Variants in KALRN observed in about 807,000 individuals in gnomAD.
KALRN encodes the protein kalirin RhoGEF kinase.
In KALRN, 70 loss-of-function variants were observed where a neutral mutation model predicts 353.7. The ratio of observed to expected loss-of-function variants is 0.20; its 90% CI spans 0.16 to 0.24. KALRN has a LOEUF of 0.24. Among genes scored for constraint, KALRN ranks in the 10% least tolerant of loss-of-function variants. The probability of loss-of-function intolerance (pLI) is 1.00; values close to 1 mark genes in which losing one functional copy is unlikely to be tolerated. For synonymous variants in KALRN, 1,391 were observed against 1,434.8 expected (o/e 0.97, Z 0.69); for missense variants, 2,791 against 3,756.7 (o/e 0.74, Z 6.72).
chr3:124,398,876 C>A lies in KALRN; in HGVS notation c.2346+5C>A. On this transcript the variant is annotated splice_donor_5th_base_variant and intron_variant, in intron 13 of 59. Transcript: ENST00000682506. ...TTTGAGCAGTACACCATCGAGGTAG[C>A]AGGGGGCCAGGAGGGGAGGTGGAGA... 6.3e-7 allele frequency: 1 copy of A among 1,595,748 alleles called. No individual in the cohort carries two copies. Among genetic ancestry groups the A allele is most frequent in the Middle Eastern group, 1.7e-4 (1 of 5,900 alleles).
intron 1 of KALRN, among the ~76,000 whole-genome samples, chr3:124,144,401 CTG>C (rs2067019125): frequency 1.3e-5 from 2 of 152,170 alleles, no homozygotes; most frequent in Admixed American, 1.3e-4. Flanking sequence ...TCTGTGTCAT[CTG>C]TGCATCTGTG....
Position 124,326,119 on chromosome 3 carries a change from A to G in KALRN, c.1232A>G (p.Glu411Gly). ...EWKSFAAALD[E>G]RSTILAMSAV... is the part of the protein sequence containing the mutation. ...AAGAGCTTCGCTGCTGCCCTGGATG[A>G]ACGCAGCACCATCCTCGCCATGTCT... Residue 411 changes from glutamate (E) to glycine (G), a missense_variant, in exon 7 of 60, where the codon GAA (glutamate) becomes GGA (glycine). Glu to Gly is a moderately conservative substitution (Grantham distance 98). This residue lies in a region of KALRN where 366 missense variants were observed against 489.2 expected (regional missense o/e 0.75). Coordinates refer to ENST00000682506, the MANE Select transcript of KALRN (RefSeq NM_001388419.1). The G allele has an allele frequency of 6.2e-7, 1 of 1,613,850 alleles. No individual in the cohort carries two copies. The highest frequency in any genetic ancestry group is 8.5e-7 in the Non-Finnish European group (1 of 1,179,862).
chr3:124,593,272 C>T (rs2075979440), intron 34 of KALRN, among the ~76,000 whole-genome samples: 3 of 152,216 alleles, frequency 2.0e-5, no homozygotes, highest in Admixed American at 2.0e-4. Flanking sequence ...CATATCTGTG[C>T]AGTGCTCCTT....
intron 6 of KALRN, among the ~76,000 whole-genome samples, chr3:124,322,343 A>G (rs1243147997): frequency 1.3e-5 from 2 of 152,250 alleles, no homozygotes; most frequent in African/African-American, 4.8e-5. Flanking sequence ...ACTGAGGCAC[A>G]GAGAAGTCAA....
intron 25 of KALRN, 47 bp from the exon 26 acceptor site, chr3:124,474,616 G>T (rs2061271175): frequency 2.0e-6 from 3 of 1,493,700 alleles, no homozygotes; most frequent in Non-Finnish European, 2.8e-6. Flanking sequence ...CCTCTGGGGG[G>T]TCAGCTGCAC....
chr3:124,381,647 G>T (rs2087398270), intron 10 of KALRN, among the ~76,000 whole-genome samples: 1 of 152,080 alleles, frequency 6.6e-6, no homozygotes, highest in South Asian at 2.1e-4. Context: ...TATCCAACCT[G>T]ATTTTTTGCC....
chr3:124,380,120 A>C (rs2087135870), intron 10 of KALRN, among the ~76,000 whole-genome samples: 1 of 152,108 alleles, frequency 6.6e-6, no homozygotes, highest in Non-Finnish European at 1.5e-5. Flanking sequence ...CAAGATTCTC[A>C]CTTCATATTA....
chr3:124,287,301 G>A (rs980569151), intron 5 of KALRN, among the ~76,000 whole-genome samples: 1 of 152,092 alleles, frequency 6.6e-6, no homozygotes, highest in African/African-American at 2.4e-5. Context: ...TCCTGCATAT[G>A]CAAAGCTTGG....
chr3:124,283,044 G>A (rs2075505391), intron 5 of KALRN, among the ~76,000 whole-genome samples: 1 of 152,238 alleles, frequency 6.6e-6, no homozygotes, highest in Non-Finnish European at 1.5e-5. Flanking sequence ...CCACAGGGAA[G>A]CCTGCCTCCT....
intron 14 of KALRN, among the ~76,000 whole-genome samples, chr3:124,417,335 T>G (rs369298850): frequency 1.4e-3 from 207 of 152,344 alleles, no homozygotes; most frequent in Non-Finnish European, 2.0e-3. Context: ...AGTTCTCACT[T>G]TCCGTAATTC....
intron 6 of KALRN, among the ~76,000 whole-genome samples, chr3:124,311,212 C>T (rs1054069109): frequency 1.3e-5 from 2 of 151,556 alleles, no homozygotes; most frequent in East Asian, 3.9e-4. Flanking sequence ...ATAATCGCAG[C>T]ACTTTGGGAG....
chr3:124,692,060 C>T (rs757589988), intron 51 of KALRN, among the ~76,000 whole-genome samples: 1 of 152,202 alleles, frequency 6.6e-6, no homozygotes, highest in Non-Finnish European at 1.5e-5. Context: ...TTAAACAAGG[C>T]TGCATGTTGA....
chr3:124,504,126 A>G (rs1006718273), intron 33 of KALRN, among the ~76,000 whole-genome samples: 1 of 152,218 alleles, frequency 6.6e-6, no homozygotes, highest in Non-Finnish European at 1.5e-5. Context: ...AGTACTTGTT[A>G]CAGAAATAGG....
chr3:124,478,964 A>C (rs2108138889), intron 27 of KALRN, among the ~76,000 whole-genome samples: 1 of 152,350 alleles, frequency 6.6e-6, no homozygotes, highest in South Asian at 2.1e-4. Context: ...TATCCATTAA[A>C]GGTCACATGC....
chr3:124,712,910 CA>C, intron 57 of KALRN, 24 bp from the exon 58 acceptor site: 1 of 1,556,818 alleles, frequency 6.4e-7, no homozygotes, highest in Non-Finnish European at 8.8e-7. Flanking sequence ...TGAATGTTGG[CA>C]AACTCTCCCT....
chr3:124,333,905 C>T (rs111781614), intron 8 of KALRN, among the ~76,000 whole-genome samples: 13,309 of 152,222 alleles, frequency 0.087, 716 homozygotes, highest in Middle Eastern at 0.14. Flanking sequence ...AACAAACAAA[C>T]AAACAAAAAT....
At chr3:124,516,651 A>C (rs1440253723) in intron 33 of KALRN, among the ~76,000 whole-genome samples, 5 of 151,742 alleles carry the variant, frequency 3.3e-5, no homozygotes, top group South Asian at 2.1e-4. Flanking sequence ...AAAAAAAAAA[A>C]AAAACCTGGT....
intron 33 of KALRN, chr3:124,519,536 T>C: frequency 1.0e-6 from 1 of 985,422 alleles, no homozygotes; most frequent in Non-Finnish European, 1.2e-6. Context: ...GAAGTTGGGC[T>C]TATTTCCCTG....
intron 19 of KALRN, among the ~76,000 whole-genome samples, chr3:124,444,635 C>G (rs74387675): frequency 7.4e-6 from 1 of 134,506 alleles, no homozygotes; most frequent in African/African-American, 2.7e-5. Flanking sequence ...CCCATCTCTA[C>G]AAAAAAAAAA....
Sources: allele counts gnomAD v4.1 joint callset (sites outside exome capture counted in the v4.1 genomes callset), GRCh38; gene constraint gnomAD v4.1.1; regional missense constraint gnomAD v4.1.1; transcripts MANE v1.5; gene names NCBI Gene and HGNC (gene_info 2026-07-23, HGNC 2026-07-21).